The following TMIE variants were observed in gnomAD, a reference collection of about 807,000 sequenced individuals.
TMIE encodes the protein transmembrane inner ear expressed protein.
TMIE carries 14 observed loss-of-function variants against 16.8 expected under a neutral mutation model. That is an observed-to-expected ratio of 0.83 (90% CI 0.55 to 1.30). The LOEUF is 1.30. Among genes scored for constraint, TMIE ranks in the 50% most tolerant of loss-of-function variants. The pLI is 0.00. For missense variants in TMIE, 204 were observed against 205.9 expected (o/e 0.99, Z 0.06); for synonymous variants, 75 against 87.2 (o/e 0.86, Z 0.78).
chr3:46,705,415 C>A (rs535638281), intron 1 of TMIE, among the ~76,000 whole-genome samples: 26 of 152,316 alleles, frequency 1.7e-4, no homozygotes, highest in African/African-American at 5.1e-4. Context: ...CAGCACCCCC[C>A]AGGCCTCGCC....
chr3:46,704,504 G>A (rs73831197), intron 1 of TMIE, among the ~76,000 whole-genome samples: 24,776 of 108,372 alleles, frequency 0.23, 3,032 homozygotes, highest in South Asian at 0.37. Context: ...GGGCAGGACC[G>A]TGTCCCCTAG....
At position 46,701,727 on chromosome 3, in the gene TMIE, C is replaced by G. The variant is rs1023456443; in HGVS notation, c.93+147C>G. On this transcript the variant is annotated intron_variant, in intron 1 of 3. Coordinates refer to ENST00000643606, the MANE Select transcript of TMIE (RefSeq NM_147196.3). The surrounding 1 kb of genome is among the most constrained non-coding windows in gnomAD (Gnocchi z 4.3). Reference sequence around the variant, plus strand: ...AGTCTCCCGGGCGATGCAGCCCTGCCCCAAGCCCTGCCAGGCTGTGAGAGA... The same window carrying G: ...AGTCTCCCGGGCGATGCAGCCCTGCGCCAAGCCCTGCCAGGCTGTGAGAGA... The G allele has an allele frequency of 1.5e-6, 1 of 650,596 alleles. No individual in the cohort carries two copies. Among genetic ancestry groups the G allele is most frequent in the African/African-American group, 1.9e-5 (1 of 53,080 alleles). 40.3% of individuals were successfully genotyped at this position (650,596 alleles called of 1,614,324 possible).
chr3:46,694,566 A>G (rs1010560814), exon 1 of TMIE: 2 of 152,186 alleles, frequency 1.3e-5, no homozygotes, highest in African/African-American at 4.8e-5. Context: ...CCCCCTACTG[A>G]GGAGGTGGGA....
upstream of TMIE, among the ~76,000 whole-genome samples, chr3:46,696,929 G>A (rs1317369385): frequency 2.0e-5 from 3 of 152,164 alleles, no homozygotes; most frequent in Non-Finnish European, 4.4e-5. Context: ...AACTGATTTT[G>A]GGGTGCAGGG....
chr3:46,698,478 C>T (rs906705569), upstream of TMIE, among the ~76,000 whole-genome samples: 2 of 151,810 alleles, frequency 1.3e-5, no homozygotes, highest in Non-Finnish European at 2.9e-5. Flanking sequence ...ATAGAGATGG[C>T]GTCTTGCTAT....
chr3:46,706,453 G>T (rs1031408723), intron 2 of TMIE, among the ~76,000 whole-genome samples: 5 of 152,238 alleles, frequency 3.3e-5, no homozygotes, highest in African/African-American at 9.6e-5. Flanking sequence ...AGCAGAAATG[G>T]GCTTGGCCGG....
intron 1 of TMIE, among the ~76,000 whole-genome samples, chr3:46,704,710 C>A (rs1210946938): frequency 7.2e-6 from 1 of 138,460 alleles, no homozygotes; most frequent in Admixed American, 7.3e-5. Flanking sequence ...CCACTAGACA[C>A]CCAGGGTGGA....
At chr3:46,707,738 G>C (rs772934110) in intron 2 of TMIE, among the ~76,000 whole-genome samples, 1 of 152,198 alleles carries the variant, frequency 6.6e-6, no homozygotes, top group Non-Finnish European at 1.5e-5. Context: ...GTTTGAGCCC[G>C]GCTCTGGCTG....
At chr3:46,699,020 G>A (rs1160522160), upstream of TMIE, among the ~76,000 whole-genome samples, 1 of 149,830 alleles carries the variant, frequency 6.7e-6, no homozygotes, top group Non-Finnish European at 1.5e-5. Context: ...CATCTTCAGA[G>A]GGCACAAAAG....
upstream of TMIE, among the ~76,000 whole-genome samples, chr3:46,699,934 T>C (rs1700450030): frequency 6.6e-6 from 1 of 152,176 alleles, no homozygotes; most frequent in Admixed American, 6.5e-5. Context: ...GGAGTAATGC[T>C]TTGCTCAGTG....
At chr3:46,700,931 C>T (rs1190402042), upstream of TMIE, among the ~76,000 whole-genome samples, 2 of 152,070 alleles carry the variant, frequency 1.3e-5, no homozygotes, top group African/African-American at 4.8e-5. Flanking sequence ...CTCTCCAGCT[C>T]TGGTGTCCAG....
chr3:46,700,683 G>A (rs1700459975), upstream of TMIE, among the ~76,000 whole-genome samples: 2 of 152,120 alleles, frequency 1.3e-5, no homozygotes, highest in Admixed American at 1.3e-4. Context: ...CTCAACATGG[G>A]GTCAGGGCCA....
chr3:46,701,421 G>T lies in TMIE; in HGVS notation c.-67G>T. ...GCCCGTGGCCACCGAGCGCCGGCTG[G>T]CAGGGGCAGTGACCGGCGGCCGGCC... On this transcript the variant is annotated 5_prime_UTR_variant, in exon 1 of 4. Coordinates refer to ENST00000643606, the MANE Select transcript of TMIE (RefSeq NM_147196.3). This position sits in a 1 kb window ranked among gnomAD's most constrained non-coding sequence, Gnocchi z 4.3. The T allele has an allele frequency of 7.6e-7, 1 of 1,319,176 alleles. No individual in the cohort carries two copies. The allele number at this position is 1,319,176 out of a possible 1,614,324, so 81.7% of individuals were successfully genotyped here. A position where few individuals can be genotyped will look rare whatever the true frequency, so the allele number is the denominator to read the frequency against.
chr3:46,699,895 C>A (rs1700449676), upstream of TMIE, among the ~76,000 whole-genome samples: 1 of 152,188 alleles, frequency 6.6e-6, no homozygotes, highest in African/African-American at 2.4e-5. Context: ...CTCACCCTCC[C>A]CATGCCATGG....
intron 2 of TMIE, among the ~76,000 whole-genome samples, chr3:46,706,731 G>C (rs1279030743): frequency 6.6e-6 from 1 of 152,224 alleles, no homozygotes; most frequent in East Asian, 1.9e-4. Context: ...GGTTTTGCAG[G>C]AGGGAAGGCT....
chr3:46,702,576 G>A (rs1021898073), intron 1 of TMIE, among the ~76,000 whole-genome samples: 3 of 152,168 alleles, frequency 2.0e-5, no homozygotes, highest in Non-Finnish European at 2.9e-5. Flanking sequence ...AGGCAGGGGC[G>A]GACCAGAGGG....
chr3:46,695,439 C>A (rs929021487), intron 1 of TMIE, among the ~76,000 whole-genome samples: 5 of 152,154 alleles, frequency 3.3e-5, no homozygotes, highest in African/African-American at 1.2e-4. Context: ...ATGTGGGACT[C>A]TGAGAGGAGG....
chr3:46,700,963 G>T (rs1700462344), upstream of TMIE, among the ~76,000 whole-genome samples: 2 of 151,866 alleles, frequency 1.3e-5, no homozygotes. Context: ...CCGCCTCTGG[G>T]CAGGAAGCCA....
rs56700388 is a variant in TMIE, at chr3:46,710,016, G to T, written c.*328G>T. 442 of 419,422 alleles carry T rather than the reference G, an allele frequency of 1.1e-3. 3 individuals carry two copies. Among genetic ancestry groups the T allele is most frequent in the African/African-American group, 8.2e-3 (404 of 49,272 alleles). The allele number at this position is 419,422 out of a possible 1,614,324, so 26.0% of individuals were successfully genotyped here. A position where few individuals can be genotyped will look rare whatever the true frequency, so the allele number is the denominator to read the frequency against. On this transcript the variant is annotated 3_prime_UTR_variant, in exon 4 of 4. Transcript: ENST00000643606. Reference sequence around the variant, plus strand: ...GTCTCCCACCCTTTCTGCCAGGGATGGCAGTGGCTGTGAAGGAGTAATGGG... The same window carrying T: ...GTCTCCCACCCTTTCTGCCAGGGATTGCAGTGGCTGTGAAGGAGTAATGGG...
Sources: gnomAD v4.1 joint callset for allele counts (sites outside exome capture counted in the v4.1 genomes callset) on GRCh38, gnomAD v4.1.1 for gene constraint, Gnocchi (gnomAD v3.1) non-coding constraint, MANE v1.5 for transcripts, NCBI Gene and HGNC (gene_info 2026-07-23, HGNC 2026-07-21) for gene names.